PCDHA1: variants seen among roughly 807,000 people sequenced by gnomAD.
The protein encoded by PCDHA1 is protocadherin alpha-1.
PCDHA1 carries 42 observed loss-of-function variants against 61.3 expected under a neutral mutation model. The ratio of observed to expected loss-of-function variants is 0.69; its 90% confidence interval spans 0.54 to 0.89. PCDHA1 has a LOEUF of 0.89. Among genes scored for constraint, PCDHA1 ranks in the 40% least tolerant of loss-of-function variants. The pLI is 0.00. For missense variants in PCDHA1, 1,256 were observed against 1,235.3 expected (o/e 1.02, Z -0.25); for synonymous variants, 610 against 553.8 (o/e 1.10, Z -1.43).
chr5:140,946,634 A>ATATAT (rs1554217761), intron 1 of PCDHA1, among the ~76,000 whole-genome samples: 3 of 147,374 alleles, frequency 2.0e-5, no homozygotes, highest in Admixed American at 6.8e-5. Context: ...ATATATATAC[A>ATATAT]ATGGAATACT....
intron 1 of PCDHA1, chr5:140,842,173 T>C: frequency 6.2e-7 from 1 of 1,613,902 alleles, no homozygotes; most frequent in Non-Finnish European, 8.5e-7. Context: ...TTAATAGCCT[T>C]GTTGAAACTA....
intron 1 of PCDHA1, chr5:140,860,892 C>A (rs1554153919): frequency 6.6e-6 from 1 of 152,368 alleles, no homozygotes; most frequent in Non-Finnish European, 1.5e-5. Flanking sequence ...TGCCCGCCAA[C>A]ACGCCAGGCT....
rs201762893 is a variant in PCDHA1, at chr5:140,829,796, C to G, written c.2394+41112C>G. The stretch of plus-strand genomic sequence containing the variant: ...CAACGCGCCGGCGCTGCTGGCGCCT[C>G]GGGTGGGTGGTACTGGTGGTGCAGT... On this transcript the variant is annotated intron_variant, in intron 1 of 3. Transcript: ENST00000504120. The G allele has an allele frequency of 6.8e-4, 1,090 of 1,613,774 alleles. 9 individuals carry two copies. Among genetic ancestry groups the G allele is most frequent in the East Asian group, 3.1e-4 (14 of 44,862 alleles).
chr5:140,883,987 G>A (rs782597930), intron 1 of PCDHA1: 2 of 1,612,956 alleles, frequency 1.2e-6, no homozygotes, highest in East Asian at 2.2e-5. Flanking sequence ...CTGGCAGCGC[G>A]GGAGGCACAG....
At chr5:140,976,884 A>T (rs1423993981) in intron 1 of PCDHA1, among the ~76,000 whole-genome samples, 1 of 152,232 alleles carries the variant, frequency 6.6e-6, no homozygotes, top group Non-Finnish European at 1.5e-5. Context: ...AAGAATTAGG[A>T]TACATGCAAC....
chr5:140,802,538 C>T (rs782528123), intron 1 of PCDHA1: 4 of 1,614,192 alleles, frequency 2.5e-6, no homozygotes, highest in South Asian at 1.1e-5. Context: ...AGGTGGCCGA[C>T]GTGAACGACA....
chr5:141,010,006 T>C lies in PCDHA1; in HGVS notation c.*69T>C. The stretch of plus-strand genomic sequence containing the variant: ...ATGGCAAATCTCTCCCATGTAGCAA[T>C]TCCCTGCTCCTTTTTCCTATCTACA... On this transcript the variant is annotated 3_prime_UTR_variant, in exon 4 of 4. Transcript: ENST00000504120. 1 of 1,572,424 alleles carries C rather than the reference T, an allele frequency of 6.4e-7. No individual in the cohort carries two copies. Among genetic ancestry groups the C allele is most frequent in the Non-Finnish European group, 8.6e-7 (1 of 1,163,442 alleles).
chr5:140,927,290 T>A (rs1563090312), intron 1 of PCDHA1: 2 of 1,614,054 alleles, frequency 1.2e-6, no homozygotes, highest in Admixed American at 1.7e-5. Context: ...CAGCTGCACA[T>A]CCCCGAGTTC....
intron 1 of PCDHA1, chr5:140,842,796 A>T (rs2150344571): frequency 6.3e-7 from 1 of 1,594,198 alleles, no homozygotes. Flanking sequence ...CTGGTGTCCT[A>T]CTCGCTTGTG....
intron 1 of PCDHA1, chr5:140,823,006 G>A: frequency 6.2e-7 from 1 of 1,614,228 alleles, no homozygotes; most frequent in South Asian, 1.1e-5. Context: ...GCTGGACAGC[G>A]CCCTGGACCG....
chr5:140,894,554 G>GAAA (rs1204407145), intron 1 of PCDHA1, among the ~76,000 whole-genome samples: 2 of 151,600 alleles, frequency 1.3e-5, no homozygotes, highest in African/African-American at 4.8e-5. Context: ...GTTTACTTCT[G>GAAA]AAAAAATTAT....
intron 1 of PCDHA1, chr5:140,869,765 A>C (rs376277801): frequency 1.9e-6 from 3 of 1,613,164 alleles, no homozygotes; most frequent in African/African-American, 2.7e-5. Flanking sequence ...GGAAAACCAG[A>C]GCTTACTGGC....
At chr5:140,916,776 C>A (rs2153540006) in intron 1 of PCDHA1, among the ~76,000 whole-genome samples, 1 of 152,308 alleles carries the variant, frequency 6.6e-6, no homozygotes. Context: ...CACAAGCACT[C>A]CCTTAGCTGC....
At chr5:140,889,027 C>A (rs1004891593) in intron 1 of PCDHA1, among the ~76,000 whole-genome samples, 5 of 151,910 alleles carry the variant, frequency 3.3e-5, no homozygotes, top group African/African-American at 1.2e-4. Context: ...CCTTGGATAA[C>A]CGTAATTTGA....
At chr5:140,873,755 T>C (rs1273886734) in intron 1 of PCDHA1, among the ~76,000 whole-genome samples, 1 of 152,098 alleles carries the variant, frequency 6.6e-6, no homozygotes, top group African/African-American at 2.4e-5. Flanking sequence ...CCACCTCCCA[T>C]GTTCAAGCAA....
At chr5:140,998,754 C>T (rs2097832847) in intron 3 of PCDHA1, among the ~76,000 whole-genome samples, 1 of 152,056 alleles carries the variant, frequency 6.6e-6, no homozygotes, top group African/African-American at 2.4e-5. Context: ...AGAAGAGACA[C>T]AGTTTCACTA....
rs531946864 is a variant in PCDHA1, at chr5:140,866,396, C to T, written c.2394+77712C>T. 5.3e-5 allele frequency: 8 copies of T among 152,156 alleles called. No individual in the cohort carries two copies. In the East Asian group the frequency reaches 9.6e-4, roughly 18 times the overall value. 9.4% of individuals were successfully genotyped at this position (152,156 alleles called of 1,614,324 possible). A position where few individuals can be genotyped will look rare whatever the true frequency, so the allele number is the denominator to read the frequency against. The stretch of plus-strand genomic sequence containing the variant: ...AATAACAATTTTAAAGACATAGATT[C>T]CCATGAAAATCTTCAAATGTGTGTA... On this transcript the variant is annotated intron_variant, in intron 1 of 3. Transcript: ENST00000504120.
At chr5:140,935,080 C>T (rs1163743447) in intron 1 of PCDHA1, among the ~76,000 whole-genome samples, 1 of 152,076 alleles carries the variant, frequency 6.6e-6, no homozygotes, top group Non-Finnish European at 1.5e-5. Flanking sequence ...TGTACATTTC[C>T]TTTCCCAGAA....
chr5:140,927,756 T>G (rs782307164), intron 1 of PCDHA1: 2 of 1,614,012 alleles, frequency 1.2e-6, no homozygotes, highest in South Asian at 1.1e-5. Flanking sequence ...ACGTGCACCC[T>G]AAAAGTGGGG....
Sources: allele counts gnomAD v4.1 joint callset (sites outside exome capture counted in the v4.1 genomes callset), GRCh38; gene constraint gnomAD v4.1.1; transcripts MANE v1.5; gene names NCBI Gene and HGNC (gene_info 2026-07-23, HGNC 2026-07-21).